SHROOM3: variants seen among roughly 807,000 people sequenced by gnomAD.
SHROOM3 encodes shroom family member 3.
Under a neutral mutation model 138.6 loss-of-function variants are expected in SHROOM3, and 47 were observed. The ratio of observed to expected loss-of-function variants is 0.34; its 90% CI spans 0.27 to 0.43. The LOEUF (loss-of-function observed/expected upper bound fraction) is 0.43, where lower values mean the gene tolerates loss of function less well. Ranked by LOEUF, SHROOM3 falls within the 20% of genes least tolerant of loss-of-function variation. The probability of loss-of-function intolerance (pLI) is 1.00; values close to 1 mark genes in which losing one functional copy is unlikely to be tolerated. For missense variants in SHROOM3, 2,491 were observed against 2,596.5 expected (o/e 0.96, Z 0.88); for synonymous variants, 1,062 against 1,063.3 (o/e 1.00, Z 0.02).
chr4:76,639,349 A>G (rs1735594642), intron 2 of SHROOM3, among the ~76,000 whole-genome samples: 1 of 152,184 alleles, frequency 6.6e-6, no homozygotes, highest in Non-Finnish European at 1.5e-5. Context: ...ACATCCCCAC[A>G]TCCCAGCTCC....
At chr4:76,689,647 G>T in intron 2 of SHROOM3, 3 of 985,430 alleles carry the variant, frequency 3.0e-6, no homozygotes, top group Non-Finnish European at 3.6e-6. Flanking sequence ...TGAACTTGGC[G>T]TCGGCCTGGA....
In SHROOM3 at chr4:76,505,394, A is replaced by G. The variant is rs114833014; in HGVS notation, c.169-50215A>G. On this transcript the variant is annotated intron_variant, in intron 1 of 10. Coordinates refer to ENST00000296043, the MANE Select transcript of SHROOM3 (RefSeq NM_020859.4). ...ATATGTTTTTTCTGCATTTTTAAAG[A>G]TGTACACTTCTGTTTTGACTCAGCT... Among the ~76,000 whole-genome samples, 1,313 of 152,232 alleles carry G rather than the reference A, an allele frequency of 8.6e-3. 16 individuals are homozygous for G. Among genetic ancestry groups the G allele is most frequent in the African/African-American group, 0.03 (1,250 of 41,516 alleles).
intron 1 of SHROOM3, among the ~76,000 whole-genome samples, chr4:76,438,048 A>G (rs1298044230): frequency 6.6e-6 from 1 of 152,334 alleles, no homozygotes; most frequent in Non-Finnish European, 1.5e-5. Flanking sequence ...AGTGTCTAGT[A>G]CACAGAAGGA....
At chr4:76,728,948 A>T (rs894653647) in intron 3 of SHROOM3, among the ~76,000 whole-genome samples, 1 of 152,166 alleles carries the variant, frequency 6.6e-6, no homozygotes, top group Non-Finnish European at 1.5e-5. Flanking sequence ...GTTCCTGCCC[A>T]TTCTTGTCTC....
At chr4:76,581,799 T>C (rs535853094) in intron 2 of SHROOM3, among the ~76,000 whole-genome samples, 11 of 152,340 alleles carry the variant, frequency 7.2e-5, no homozygotes, top group African/African-American at 2.6e-4. Context: ...CTGAAACCTA[T>C]ATGTGGGAAT....
chr4:76,774,836 T>G (rs1722495394), intron 10 of SHROOM3, among the ~76,000 whole-genome samples: 1 of 151,984 alleles, frequency 6.6e-6, no homozygotes, highest in Admixed American at 6.6e-5. Flanking sequence ...ACAGGCTAGT[T>G]TAGGGGGATT....
Position 76,741,266 on chromosome 4 carries a change from C to A in SHROOM3, c.3093C>A (p.Ile1031=). ...CCGAGAAGATGAACGAGGTGGGGATCGTGGAGGAGGCCGAACCGGCACCCC... is the reference window on the plus strand; with the variant it reads ...CCGAGAAGATGAACGAGGTGGGGATAGTGGAGGAGGCCGAACCGGCACCCC... ...SEPEKMNEVG[I]VEEAEPAPLG... Residue 1031 remains isoleucine, a synonymous_variant, in exon 5 of 11, where the codon ATC becomes ATA. Coordinates refer to ENST00000296043, the MANE Select transcript of SHROOM3 (RefSeq NM_020859.4). This position sits in a 1 kb window ranked among gnomAD's most constrained non-coding sequence, Gnocchi z 6.2. 1 of 1,611,932 alleles carries A rather than the reference C, an allele frequency of 6.2e-7. No homozygotes were observed. Among genetic ancestry groups the A allele is most frequent in the Non-Finnish European group, 8.5e-7 (1 of 1,179,634 alleles).
Position 76,693,370 on chromosome 4 carries a change from G to GTTTTTTTTTTTT in SHROOM3, c.324-16774_324-16763dup, listed in dbSNP as rs10648549. ...TGCATACCTTCATTTTGATAAGTTT[G>GTTTTTTTTTTTT]TTTTTTTTTTTTTTTTTTTTTTTAA... On this transcript the variant is annotated intron_variant, in intron 2 of 10. Coordinates refer to ENST00000296043, the MANE Select transcript of SHROOM3 (RefSeq NM_020859.4). Among the ~76,000 whole-genome samples the GTTTTTTTTTTTT allele has an allele frequency of 6.0e-3, 475 of 79,774 alleles. 70 individuals are homozygous for GTTTTTTTTTTTT. The highest frequency in any genetic ancestry group is 0.018 in the African/African-American group (352 of 19,526). The allele number at this position is 79,774 out of a possible 152,430, so 52.3% of individuals were successfully genotyped here. A position where few individuals can be genotyped will look rare whatever the true frequency, so the allele number is the denominator to read the frequency against.
intron 1 of SHROOM3, among the ~76,000 whole-genome samples, chr4:76,517,642 A>ATAT (rs1732470856): frequency 7.6e-6 from 1 of 131,846 alleles, no homozygotes; most frequent in Non-Finnish European, 1.7e-5. Context: ...TATATATATA[A>ATAT]AGGGGATGTT....
chr4:76,672,556 A>G (rs536373413), intron 2 of SHROOM3, among the ~76,000 whole-genome samples: 1 of 151,212 alleles, frequency 6.6e-6, no homozygotes, highest in East Asian at 2.0e-4. Flanking sequence ...ATATGTCACC[A>G]TTTTGTAAAG....
chr4:76,688,364 A>G (rs1301504950), intron 2 of SHROOM3: 1 of 985,016 alleles, frequency 1.0e-6, no homozygotes, highest in African/African-American at 1.7e-5. Flanking sequence ...GAGCACAGAC[A>G]AGTAAAGGTA....
chr4:76,656,365 A>G (rs1476244552), intron 2 of SHROOM3, among the ~76,000 whole-genome samples: 1 of 152,342 alleles, frequency 6.6e-6, no homozygotes, highest in East Asian at 1.9e-4. Flanking sequence ...GTTCCTTTAA[A>G]AAATCTTCTC....
intron 3 of SHROOM3, among the ~76,000 whole-genome samples, chr4:76,730,446 T>C (rs1720838905): frequency 6.6e-6 from 1 of 152,220 alleles, no homozygotes; most frequent in South Asian, 2.1e-4. Flanking sequence ...TATGGATAGA[T>C]AGAGACCAAG....
intron 2 of SHROOM3, among the ~76,000 whole-genome samples, chr4:76,700,323 G>A (rs908397094): frequency 9.8e-5 from 15 of 152,312 alleles, no homozygotes; most frequent in African/African-American, 3.6e-4. Context: ...TGTAAGGATG[G>A]TAAGAAGCTG....
rs554306062 is a variant in SHROOM3 at position 76,716,266 on chromosome 4, C to T, written c.455+5979C>T. 199 of 514,412 alleles carry T rather than the reference C, an allele frequency of 3.9e-4. 1 individual carries two copies. Among genetic ancestry groups the T allele is most frequent in the South Asian group, 2.7e-3 (188 of 70,558 alleles). 31.9% of individuals were successfully genotyped at this position (514,412 alleles called of 1,614,324 possible). On this transcript the variant is annotated intron_variant, in intron 3 of 10. Transcript: ENST00000296043. ...GCGATTCAGGCCGTCCAACTGGAGG[C>T]ACATGTAGTACTTGTGAGGCTTTTA... is the stretch of plus-strand genomic sequence containing the variant.
rs995433708 is a variant in SHROOM3, at chr4:76,504,043, C to T, written c.169-51566C>T. 6.6e-5 allele frequency among the ~76,000 whole-genome samples: 10 copies of T among 152,048 alleles called. No individual in the cohort carries two copies. In the East Asian group the frequency reaches 7.7e-4, roughly 12 times the overall value. ...AAAAGGAACAAACAAGGACCTGAAC[C>T]GAAGAAGTGCCAGTAAACATGGAAA... On this transcript the variant is annotated intron_variant, in intron 1 of 10. Transcript: ENST00000296043.
intron 1 of SHROOM3, among the ~76,000 whole-genome samples, chr4:76,525,232 C>T (rs2110012710): frequency 6.6e-6 from 1 of 152,234 alleles, no homozygotes; most frequent in Middle Eastern, 3.4e-3. Context: ...TGGTGGAAGG[C>T]AAAGGAGAAG....
chr4:76,502,403 C>G (rs1227705335), intron 1 of SHROOM3, among the ~76,000 whole-genome samples: 2 of 152,152 alleles, frequency 1.3e-5, no homozygotes, highest in African/African-American at 4.8e-5. Context: ...GAAGCAGAGG[C>G]CACATTCTGT....
At chr4:76,615,320 G>A (rs57186760) in intron 2 of SHROOM3, among the ~76,000 whole-genome samples, 12 of 152,190 alleles carry the variant, frequency 7.9e-5, no homozygotes, top group African/African-American at 2.4e-4. Flanking sequence ...CTGTGACTTC[G>A]ACTGACATAT....
Sources: gnomAD v4.1 joint callset for allele counts (sites outside exome capture counted in the v4.1 genomes callset) on GRCh38, gnomAD v4.1.1 for gene constraint, Gnocchi (gnomAD v3.1) non-coding constraint, MANE v1.5 for transcripts, NCBI Gene and HGNC (gene_info 2026-07-23, HGNC 2026-07-21) for gene names.